The following SKAP1 variants were observed in gnomAD, a reference collection of about 807,000 sequenced individuals.
SKAP1 encodes src kinase-associated phosphoprotein 1.
Under a neutral mutation model 58.5 loss-of-function variants are expected in SKAP1, and 44 were observed. The observed-to-expected ratio is 0.75, with a 90% CI of 0.59 to 0.97. The LOEUF (loss-of-function observed/expected upper bound fraction) is 0.97. Among genes scored for constraint, SKAP1 ranks in the 50% least tolerant of loss-of-function variants. The probability of loss-of-function intolerance (pLI) is 0.00; values close to 1 mark genes in which losing one functional copy is unlikely to be tolerated. For synonymous variants in SKAP1, 127 were observed against 149.7 expected (o/e 0.85, Z 1.11); for missense variants, 390 against 435.2 (o/e 0.90, Z 0.92).
chr17:48,197,757 G>A (rs1000046811), intron 4 of SKAP1, among the ~76,000 whole-genome samples: 1 of 152,176 alleles, frequency 6.6e-6, no homozygotes, highest in Non-Finnish European at 1.5e-5. Context: ...TTTTCATAAA[G>A]TATTCCCTCA....
At chr17:48,204,349 C>G (rs139403683) in intron 4 of SKAP1, 10 of 151,890 alleles carry the variant, frequency 6.6e-5, no homozygotes, top group Non-Finnish European at 1.5e-4. Flanking sequence ...GTGATTCCCC[C>G]GCCTCTGCCT....
At chr17:48,263,384 C>T (rs1465420611) in intron 4 of SKAP1, among the ~76,000 whole-genome samples, 1 of 152,132 alleles carries the variant, frequency 6.6e-6, no homozygotes. Context: ...AAAATATGTG[C>T]CTGTAGAAAG....
At chr17:48,304,911 TG>T (rs1273956079) in intron 4 of SKAP1, among the ~76,000 whole-genome samples, 2 of 152,206 alleles carry the variant, frequency 1.3e-5, no homozygotes, top group African/African-American at 2.4e-5. Context: ...CCATTCTGAC[TG>T]GGAAAATTTT....
chr17:48,352,016 G>T (rs1394915865), intron 3 of SKAP1, among the ~76,000 whole-genome samples: 1 of 150,368 alleles, frequency 6.7e-6, no homozygotes. Context: ...GACCAGTAGG[G>T]TGAGCTGTAG....
chr17:48,178,226 C>G (rs1286644370), intron 9 of SKAP1, among the ~76,000 whole-genome samples: 5 of 152,098 alleles, frequency 3.3e-5, no homozygotes, highest in Non-Finnish European at 7.4e-5. Context: ...CACCTTTGCT[C>G]TGTGTCTCTA....
At chr17:48,246,846 C>T (rs1033119986) in intron 4 of SKAP1, among the ~76,000 whole-genome samples, 4 of 152,178 alleles carry the variant, frequency 2.6e-5, no homozygotes, top group Admixed American at 6.5e-5. Flanking sequence ...TTATCTCCCA[C>T]GTCATCTCTC....
chr17:48,286,817 C>T (rs984739026), intron 4 of SKAP1, among the ~76,000 whole-genome samples: 3 of 152,072 alleles, frequency 2.0e-5, no homozygotes, highest in Non-Finnish European at 4.4e-5. Context: ...AGATAATTTT[C>T]GCTGGGCGCG....
chr17:48,260,775 C>T (rs1387053948), intron 4 of SKAP1, among the ~76,000 whole-genome samples: 1 of 152,140 alleles, frequency 6.6e-6, no homozygotes, highest in Non-Finnish European at 1.5e-5. Flanking sequence ...CTTTTTCACA[C>T]CATGACTATC....
At chr17:48,290,461 C>G (rs1054197577) in intron 4 of SKAP1, among the ~76,000 whole-genome samples, 1 of 152,108 alleles carries the variant, frequency 6.6e-6, no homozygotes, top group Non-Finnish European at 1.5e-5. Context: ...TTCACAAGAT[C>G]GATTAAGTCA....
chr17:48,213,368 A>AAAG (rs894150747), intron 4 of SKAP1, among the ~76,000 whole-genome samples: 3 of 151,660 alleles, frequency 2.0e-5, no homozygotes, highest in African/African-American at 7.3e-5. Flanking sequence ...AAAAAAAAAA[A>AAAG]AGCTGTACTG....
rs556864430 is a variant in SKAP1 at position 48,325,077 on chromosome 17, T to C, written c.280+20828A>G. 2.3e-4 allele frequency among the ~76,000 whole-genome samples: 35 copies of C among 151,832 alleles called. No individual in the cohort carries two copies. The East Asian group carries it at 6.0e-3, about 26-fold the overall frequency. On this transcript the variant is annotated intron_variant, in intron 4 of 12. Transcript: ENST00000336915. ...TCCTGGCTAACACGGTGAAACCCCGTCTCTACTAACAAATACAAAAAATTA... is the reference window on the plus strand; with the variant it reads ...TCCTGGCTAACACGGTGAAACCCCGCCTCTACTAACAAATACAAAAAATTA...
At chr17:48,297,354 A>G (rs1405351186) in intron 4 of SKAP1, among the ~76,000 whole-genome samples, 1 of 152,188 alleles carries the variant, frequency 6.6e-6, no homozygotes, top group African/African-American at 2.4e-5. Flanking sequence ...TACATTTACT[A>G]ACATTGAGAT....
At chr17:48,177,917 T>G (rs2064312759) in intron 9 of SKAP1, among the ~76,000 whole-genome samples, 1 of 152,134 alleles carries the variant, frequency 6.6e-6, no homozygotes, top group Non-Finnish European at 1.5e-5. Context: ...CAGAAAGAGA[T>G]CCTGGATTTC....
chr17:48,396,862 G>T, intron 1 of SKAP1, 77 bp from the exon 2 acceptor site: 1 of 1,040,282 alleles, frequency 9.6e-7, no homozygotes, highest in Admixed American at 1.8e-5. Context: ...TTAAGAAATG[G>T]CACATGTATA....
At chr17:48,239,105 C>A (rs1055774329) in intron 4 of SKAP1, among the ~76,000 whole-genome samples, 7 of 152,170 alleles carry the variant, frequency 4.6e-5, no homozygotes, top group African/African-American at 1.7e-4. Flanking sequence ...CATAACAAAT[C>A]AAATGCACCC....
chr17:48,337,523 T>C (rs1456873749), intron 4 of SKAP1, among the ~76,000 whole-genome samples: 1 of 152,142 alleles, frequency 6.6e-6, no homozygotes, highest in Non-Finnish European at 1.5e-5. Context: ...ACATTCAATA[T>C]TGGTATTCAA....
At chr17:48,373,749 C>T (rs886514119) in intron 2 of SKAP1, among the ~76,000 whole-genome samples, 1 of 152,072 alleles carries the variant, frequency 6.6e-6, no homozygotes, top group Non-Finnish European at 1.5e-5. Context: ...GTGTCAATAA[C>T]TCACCCTTGC....
intron 11 of SKAP1, among the ~76,000 whole-genome samples, chr17:48,161,471 CT>C (rs2064068017): frequency 1.3e-5 from 2 of 152,310 alleles, no homozygotes; most frequent in South Asian, 4.1e-4. Context: ...TATGGTCTTT[CT>C]TTACCAACAT....
intron 4 of SKAP1, among the ~76,000 whole-genome samples, chr17:48,278,423 G>A (rs986396580): frequency 6.6e-6 from 1 of 152,122 alleles, no homozygotes. Flanking sequence ...CTAGCACAAC[G>A]AGACCTCAAT....
Sources: allele counts gnomAD v4.1 joint callset (sites outside exome capture counted in the v4.1 genomes callset), GRCh38; gene constraint gnomAD v4.1.1; transcripts MANE v1.5; gene names NCBI Gene and HGNC (gene_info 2026-07-23, HGNC 2026-07-21).